MCM9: variants seen among roughly 807,000 people sequenced by gnomAD.
MCM9 encodes DNA helicase MCM9.
MCM9 carries 55 observed loss-of-function variants against 72.8 expected under a neutral mutation model. That is an observed-to-expected ratio of 0.76 (90% CI 0.61 to 0.95). The LOEUF is 0.95. Ranked by LOEUF, MCM9 falls within the 40% of genes least tolerant of loss-of-function variation. The pLI is 0.00. For synonymous variants in MCM9, 480 were observed against 503.4 expected, an observed-to-expected ratio of 0.95 and a Z score of 0.62; for missense variants, 1,279 against 1,377.0, an observed-to-expected ratio of 0.93 and a Z score of 1.13.
intron 9 of MCM9, among the ~76,000 whole-genome samples, chr6:118,850,394 A>T (rs906824464): frequency 6.6e-6 from 1 of 151,860 alleles, no homozygotes. Flanking sequence ...TTGAAGAGTC[A>T]TAAGTATCTT....
rs755441653 is a variant in MCM9, at chr6:118,921,996, T to G, written c.703+9A>C. On this transcript the variant is annotated intron_variant, in intron 5 of 13. Transcript: ENST00000619706. ...TACACAAGCTAAAAAAAAATTCCCC[T>G]CTTCTTACCAGATTTGCAACTATCC... 6.2e-7 allele frequency: 1 copy of G among 1,606,498 alleles called. No homozygotes were observed. Among genetic ancestry groups the G allele is most frequent in the Admixed American group, 1.7e-5 (1 of 58,750 alleles).
In MCM9 at chr6:118,881,979, C is replaced by T. The variant is rs1778315487; in HGVS notation, c.1151-25434G>A. Among the ~76,000 whole-genome samples the T allele has an allele frequency of 3.3e-5, 5 of 152,238 alleles. No homozygotes were observed. The South Asian group carries it at 1.0e-3, about 32-fold the overall frequency. On this transcript the variant is annotated intron_variant, in intron 8 of 13. Transcript: ENST00000619706. ...TTAATCAAGGGATAAGATATCGTAC[C>T]AGGAGGGGTAGAAAGCATTTCTTAT...
chr6:118,924,201 A>G, intron 3 of MCM9, 74 bp from the exon 4 acceptor site: 1 of 1,301,790 alleles, frequency 7.7e-7, no homozygotes, highest in Non-Finnish European at 1.1e-6. Context: ...TTCTTCTCCT[A>G]TTTCCTGAAA....
chr6:118,894,341 C>G (rs1779192984), intron 8 of MCM9: 1 of 1,531,040 alleles, frequency 6.5e-7, no homozygotes, highest in South Asian at 1.2e-5. Flanking sequence ...TGCGCTCTCC[C>G]GAGCGGCCGC....
chr6:118,818,613 T>A (rs1361394540), intron 13 of MCM9, among the ~76,000 whole-genome samples: 3 of 152,198 alleles, frequency 2.0e-5, no homozygotes, highest in African/African-American at 7.2e-5. Context: ...CTATACCGGC[T>A]CTATTTTGGT....
intron 8 of MCM9, among the ~76,000 whole-genome samples, chr6:118,901,943 GCCATCTCTAGAGCTGCTA>G (rs1388195263): frequency 6.6e-6 from 1 of 152,112 alleles, no homozygotes; most frequent in African/African-American, 2.4e-5. Context: ...TTAGACACAT[GCCATCTCTAGAGCTGCTA>G]CCTTTCCCTC....
chr6:118,842,880 T>C (rs1017943023), intron 9 of MCM9, among the ~76,000 whole-genome samples: 1 of 152,106 alleles, frequency 6.6e-6, no homozygotes, highest in Non-Finnish European at 1.5e-5. Context: ...TTACTTCTAT[T>C]TCATTAAGCA....
chr6:118,911,184 G>A, intron 8 of MCM9: 1 of 985,342 alleles, frequency 1.0e-6, no homozygotes, highest in Non-Finnish European at 1.2e-6. Context: ...TGCAATGATG[G>A]AAGTATATTT....
intron 9 of MCM9, among the ~76,000 whole-genome samples, chr6:118,834,129 C>T (rs1774785612): frequency 6.6e-6 from 1 of 152,074 alleles, no homozygotes; most frequent in Admixed American, 6.6e-5. Flanking sequence ...TTTTCTGTTC[C>T]TGTGTTAGTT....
intron 8 of MCM9, among the ~76,000 whole-genome samples, chr6:118,910,116 CA>C (rs67533661): frequency 0.63 from 70,116 of 110,546 alleles, 20,686 homozygotes; most frequent in East Asian, 0.75. Context: ...GACTCTATCT[CA>C]AAAAAAAAAA....
chr6:118,859,303 A>G (rs1776761634), intron 8 of MCM9, among the ~76,000 whole-genome samples: 1 of 152,242 alleles, frequency 6.6e-6, no homozygotes, highest in African/African-American at 2.4e-5. Flanking sequence ...GTGTAAAACT[A>G]TAAAGAAAGA....
At chr6:118,878,861 A>G (rs983500072) in intron 8 of MCM9, among the ~76,000 whole-genome samples, 3 of 152,164 alleles carry the variant, frequency 2.0e-5, no homozygotes, top group Non-Finnish European at 4.4e-5. Flanking sequence ...GTTCAAGACC[A>G]GCCTGGGCAA....
intron 8 of MCM9, among the ~76,000 whole-genome samples, chr6:118,860,156 C>A (rs888842401): frequency 6.6e-6 from 1 of 152,092 alleles, no homozygotes. Flanking sequence ...AAAATCGGAT[C>A]TAGATATGGC....
At chr6:118,931,320 A>T in intron 3 of MCM9, 100 bp downstream of exon 3, 2 of 925,160 alleles carry the variant, frequency 2.2e-6, no homozygotes, top group Non-Finnish European at 3.2e-6. Context: ...TATATATTTT[A>T]AGTATAAATA....
chr6:118,830,353 A>G (rs1774458078), intron 9 of MCM9, among the ~76,000 whole-genome samples: 1 of 152,224 alleles, frequency 6.6e-6, no homozygotes. Context: ...TGAGGCTGAA[A>G]ATGTTTGAGA....
chr6:118,901,720 A>G (rs1408338989), intron 8 of MCM9, among the ~76,000 whole-genome samples: 1 of 152,228 alleles, frequency 6.6e-6, no homozygotes, highest in East Asian at 1.9e-4. Context: ...GTAACTAGCC[A>G]TAGGTTTTTT....
chr6:118,851,426 A>G (rs368442027), intron 9 of MCM9, among the ~76,000 whole-genome samples: 2 of 151,868 alleles, frequency 1.3e-5, no homozygotes, highest in South Asian at 4.1e-4. Context: ...AGTTATCATA[A>G]TTACATGGTT....
chr6:118,902,807 G>T lies in MCM9; in HGVS notation c.1150+8843C>A, dbSNP rs562881794. 1.1e-4 allele frequency among the ~76,000 whole-genome samples: 16 copies of T among 152,294 alleles called. No individual in the cohort carries two copies. In the South Asian group the frequency reaches 2.7e-3, roughly 26 times the overall value. On this transcript the variant is annotated intron_variant, in intron 8 of 13. Coordinates refer to ENST00000619706, the MANE Select transcript of MCM9 (RefSeq NM_017696.3). Reference sequence around the variant, plus strand: ...CAGAATTCACCATTATCAACAGAAAGAGACTAAATTACAGCTTTTGTTTTG... The same window carrying T: ...CAGAATTCACCATTATCAACAGAAATAGACTAAATTACAGCTTTTGTTTTG...
At chr6:118,861,384 G>A (rs1160645587) in intron 8 of MCM9, among the ~76,000 whole-genome samples, 2 of 152,234 alleles carry the variant, frequency 1.3e-5, no homozygotes, top group Non-Finnish European at 2.9e-5. Flanking sequence ...ACAATGTGGT[G>A]AGTGAGGGAC....
Sources: gnomAD v4.1 joint callset for allele counts (sites outside exome capture counted in the v4.1 genomes callset) on GRCh38, gnomAD v4.1.1 for gene constraint, MANE v1.5 for transcripts, NCBI Gene and HGNC (gene_info 2026-07-23, HGNC 2026-07-21) for gene names.